NRXN3: variants seen among roughly 807,000 people sequenced by gnomAD.
The protein encoded by NRXN3 is neurexin 3, also known as neurexin III.
A neutral mutation model predicts 137.6 loss-of-function variants in NRXN3; 32 were observed. The ratio of observed to expected loss-of-function variants is 0.23; its 90% CI spans 0.18 to 0.31. NRXN3 has a LOEUF of 0.31. Ranked by LOEUF, NRXN3 falls within the 10% of genes least tolerant of loss-of-function variation. NRXN3 has a pLI of 1.00. For synonymous variants in NRXN3, 798 were observed against 784.5 expected, an observed-to-expected ratio of 1.02 and a Z score of -0.29; for missense variants, 1,574 against 2,062.5, an observed-to-expected ratio of 0.76 and a Z score of 4.59.
chr14:79,685,047 C>T (rs1469711609), intron 17 of NRXN3, among the ~76,000 whole-genome samples: 1 of 152,078 alleles, frequency 6.6e-6, no homozygotes, highest in Non-Finnish European at 1.5e-5. Context: ...GAAGAGCAAA[C>T]ATTAAAGCTT....
chr14:79,692,279 C>G lies in NRXN3; in HGVS notation c.3706+17C>G. On this transcript the variant is annotated intron_variant, in intron 18 of 20. Transcript: ENST00000335750. ...AGGAAAAAGGTAACCGTCATTAAAACTTTCATTTTAAAATCATTTGATCCT... is the reference window on the plus strand; with the variant it reads ...AGGAAAAAGGTAACCGTCATTAAAAGTTTCATTTTAAAATCATTTGATCCT... 6.4e-7 allele frequency: 1 copy of G among 1,567,766 alleles called. No individual in the cohort carries two copies. Among genetic ancestry groups the G allele is most frequent in the South Asian group, 1.2e-5 (1 of 86,588 alleles).
chr14:79,358,609 G>GAAAGAAAGA (rs1566902300), intron 15 of NRXN3, among the ~76,000 whole-genome samples: 2 of 53,400 alleles, frequency 3.7e-5, no homozygotes, highest in East Asian at 8.1e-4. Context: ...GAAAGAAAGA[G>GAAAGAAAGA]AAAGAAAGAA....
intron 15 of NRXN3, among the ~76,000 whole-genome samples, chr14:79,384,805 A>G (rs8019980): frequency 0.65 from 98,554 of 152,056 alleles, 33,005 homozygotes; most frequent in Middle Eastern, 0.84. Context: ...AAATGAGGGT[A>G]ATAATAGTTC....
intron 4 of NRXN3, among the ~76,000 whole-genome samples, chr14:78,338,474 G>A (rs2081756003): frequency 6.6e-6 from 1 of 152,144 alleles, no homozygotes; most frequent in Non-Finnish European, 1.5e-5. Context: ...CCTTATCAAT[G>A]AGCCCTGTAG....
intron 15 of NRXN3, among the ~76,000 whole-genome samples, chr14:79,361,385 C>T (rs776439451): frequency 6.6e-6 from 1 of 152,096 alleles, no homozygotes; most frequent in African/African-American, 2.4e-5. Flanking sequence ...AAATAGAATG[C>T]TTTCTCCCTT....
At chr14:78,430,371 G>A (rs555489334) in intron 4 of NRXN3, among the ~76,000 whole-genome samples, 11 of 152,288 alleles carry the variant, frequency 7.2e-5, no homozygotes, top group African/African-American at 2.4e-4. Context: ...ATTTTTAGAG[G>A]CACTCTTCTA....
intron 16 of NRXN3, among the ~76,000 whole-genome samples, chr14:79,531,596 G>C (rs2097170094): frequency 6.6e-6 from 1 of 152,092 alleles, no homozygotes; most frequent in Non-Finnish European, 1.5e-5. Flanking sequence ...TACCAATAAG[G>C]TCAGAGAAAA....
Position 78,651,263 on chromosome 14 carries a change from C to A in NRXN3, c.1158C>A (p.Ser386Arg), listed in dbSNP as rs762740974. The change falls in exon 6 of 21, where the codon AGC becomes AGA. Residue 386 changes from serine to arginine, a missense_variant. Physicochemically the swap from Ser to Arg is moderately radical, Grantham distance 110. This residue lies in a region of NRXN3 where 400 missense variants were observed against 527.3 expected (regional missense o/e 0.76). Transcript: ENST00000335750. ...ACGACTTCTTCTATGTAGGAGGAAG[C>A]CCAAGTACCGCTGACTTGCCTGGCT... ...GSDDFFYVGG[S>R]PSTADLPGSP... The A allele has an allele frequency of 6.2e-7, 1 of 1,614,070 alleles. No homozygotes were observed. The highest frequency in any genetic ancestry group is 8.5e-7 in the Non-Finnish European group (1 of 1,179,962).
At chr14:78,193,671 A>C (rs898457661) in intron 1 of NRXN3, among the ~76,000 whole-genome samples, 1 of 150,130 alleles carries the variant, frequency 6.7e-6, no homozygotes, top group African/African-American at 2.4e-5. Flanking sequence ...CTGAGGCATG[A>C]TAATTGCTTG....
At chr14:78,864,268 G>A (rs1375518623) in intron 10 of NRXN3, among the ~76,000 whole-genome samples, 2 of 152,132 alleles carry the variant, frequency 1.3e-5, no homozygotes, top group East Asian at 1.9e-4. Context: ...TGAATAAACA[G>A]TGTAGATTTT....
chr14:79,130,117 C>T (rs991381673), intron 15 of NRXN3, among the ~76,000 whole-genome samples: 2 of 151,206 alleles, frequency 1.3e-5, no homozygotes, highest in African/African-American at 4.9e-5. Context: ...ACTGATGGGT[C>T]TTGACTCTTT....
intron 6 of NRXN3, among the ~76,000 whole-genome samples, chr14:78,678,696 T>C (rs748830052): frequency 1.3e-5 from 2 of 152,184 alleles, no homozygotes; most frequent in Admixed American, 6.5e-5. Context: ...CAACTCAATA[T>C]AGTGTAAGCC....
At chr14:79,452,968 A>T (rs2096201404) in intron 15 of NRXN3, among the ~76,000 whole-genome samples, 1 of 152,198 alleles carries the variant, frequency 6.6e-6, no homozygotes, top group South Asian at 2.1e-4. Flanking sequence ...ATAAAAGGTA[A>T]TAAATAAAAA....
chr14:79,358,613 GAAAGAAAGAAA>G (rs2093547699), intron 15 of NRXN3, among the ~76,000 whole-genome samples: 1 of 129,064 alleles, frequency 7.7e-6, no homozygotes, highest in African/African-American at 3.1e-5. Context: ...GAAAGAGAAA[GAAAGAAAGAAA>G]GAAAGAAAGA....
chr14:78,353,134 C>T (rs559005045), intron 4 of NRXN3, among the ~76,000 whole-genome samples: 4 of 152,158 alleles, frequency 2.6e-5, no homozygotes, highest in East Asian at 3.9e-4. Context: ...ATGAGGAAAC[C>T]GGACTGGAGA....
intron 15 of NRXN3, among the ~76,000 whole-genome samples, chr14:79,032,397 T>C (rs148052279): frequency 1.5e-3 from 236 of 152,290 alleles, no homozygotes; most frequent in African/African-American, 5.6e-3. Context: ...TCTCAGCTGA[T>C]TAGGAATCTC....
chr14:78,450,835 GC>G (rs1271622899), intron 4 of NRXN3, among the ~76,000 whole-genome samples: 1 of 152,188 alleles, frequency 6.6e-6, no homozygotes, highest in Non-Finnish European at 1.5e-5. Flanking sequence ...GTTAGACCTT[GC>G]TGTAAATAAC....
At chr14:79,671,471 C>G (rs938452743) in intron 17 of NRXN3, among the ~76,000 whole-genome samples, 1 of 152,076 alleles carries the variant, frequency 6.6e-6, no homozygotes, top group Admixed American at 6.6e-5. Context: ...TTGGCTTTAT[C>G]TATATCATCG....
At chr14:79,740,135 T>C (rs777141707) in intron 19 of NRXN3, among the ~76,000 whole-genome samples, 3 of 152,170 alleles carry the variant, frequency 2.0e-5, no homozygotes, top group Non-Finnish European at 4.4e-5. Flanking sequence ...AACCTTGGAA[T>C]CATCTTTCAC....
Sources: gnomAD v4.1 joint callset for allele counts (sites outside exome capture counted in the v4.1 genomes callset) on GRCh38, gnomAD v4.1.1 for gene constraint, gnomAD v4.1.1 regional missense constraint, MANE v1.5 for transcripts, NCBI Gene and HGNC (gene_info 2026-07-23, HGNC 2026-07-21) for gene names.